Variants in ITGB3 observed in about 807,000 individuals in gnomAD.
ITGB3 encodes integrin subunit beta 3.
In ITGB3, 48 loss-of-function variants were observed where a neutral mutation model predicts 85.8. That is an observed-to-expected ratio of 0.56 (90% CI 0.44 to 0.71). The LOEUF (loss-of-function observed/expected upper bound fraction) is 0.71. Ranked by LOEUF, ITGB3 falls within the 30% of genes least tolerant of loss-of-function variation. The pLI is 0.00. For synonymous variants in ITGB3, 363 were observed against 395.6 expected, an observed-to-expected ratio of 0.92 and a Z score of 0.98; for missense variants, 861 against 1,019.1, an observed-to-expected ratio of 0.84 and a Z score of 2.11.
At chr17:47,300,444 C>T in intron 11 of ITGB3, 34 bp from the exon 12 acceptor site, 1 of 1,530,864 alleles carries the variant, frequency 6.5e-7, no homozygotes, top group Non-Finnish European at 9.1e-7. Context: ...CTTGCTCCTT[C>T]TTTGCCTTAA....
At chr17:47,266,795 T>G (rs1040154666) in intron 1 of ITGB3, among the ~76,000 whole-genome samples, 1 of 152,140 alleles carries the variant, frequency 6.6e-6, no homozygotes, top group Non-Finnish European at 1.5e-5. Flanking sequence ...TTGCCCAGAC[T>G]AGTCGCCAAC....
intron 1 of ITGB3, among the ~76,000 whole-genome samples, chr17:47,257,889 A>G (rs900817517): frequency 2.6e-5 from 4 of 152,164 alleles, no homozygotes; most frequent in African/African-American, 7.2e-5. Flanking sequence ...TGGGAAGACC[A>G]TAAGATGGGG....
chr17:47,284,424 A>T lies in ITGB3; in HGVS notation c.362-19A>T, dbSNP rs1047291777. 2 of 1,614,018 alleles carry T rather than the reference A, an allele frequency of 1.2e-6. No homozygotes were observed. The highest frequency in any genetic ancestry group is 2.7e-5 in the African/African-American group (2 of 74,924). On this transcript the variant is annotated intron_variant, in intron 3 of 14. Coordinates refer to ENST00000559488, the MANE Select transcript of ITGB3 (RefSeq NM_000212.3). Reference sequence around the variant, plus strand: ...TGGTGGGAGAAGAAGATAAAAACTAACATCTTTCTGCCTTCCAGATGATTC... The same window carrying T: ...TGGTGGGAGAAGAAGATAAAAACTATCATCTTTCTGCCTTCCAGATGATTC...
At position 47,302,778 on chromosome 17, in the gene ITGB3, T is replaced by C; in HGVS notation, c.2072T>C (p.Val691Ala). The change falls in exon 13 of 15, where the codon GTC becomes GCC. Residue 691 changes from valine to alanine, a missense_variant. Val to Ala is a moderately conservative substitution (Grantham distance 64, BLOSUM62 0). Coordinates refer to ENST00000559488, the MANE Select transcript of ITGB3 (RefSeq NM_000212.3). Reference sequence around the variant, plus strand: ...TATAAGAATGAGGATGACTGTGTCGTCAGATTCCAGTACTATGAAGATTCT... The same window carrying C: ...TATAAGAATGAGGATGACTGTGTCGCCAGATTCCAGTACTATGAAGATTCT... The part of the protein sequence containing the change: ...CTYKNEDDCV[V>A]RFQYYEDSSG... The C allele has an allele frequency of 6.2e-7, 1 of 1,614,116 alleles. No homozygotes were observed. Among genetic ancestry groups the C allele is most frequent in the Non-Finnish European group, 8.5e-7 (1 of 1,179,950 alleles).
chr17:47,292,849 T>C (rs2065132645), intron 10 of ITGB3, among the ~76,000 whole-genome samples: 1 of 152,254 alleles, frequency 6.6e-6, no homozygotes, highest in South Asian at 2.1e-4. Context: ...TATCTTTGTA[T>C]CACAAGAGAC....
intron 1 of ITGB3, among the ~76,000 whole-genome samples, chr17:47,272,930 C>T (rs1202664278): frequency 1.3e-5 from 2 of 152,004 alleles, no homozygotes; most frequent in African/African-American, 4.8e-5. Context: ...TGCACCACCA[C>T]GCCCGGCTAA....
chr17:47,289,772 A>C lies in ITGB3; in HGVS notation c.1031A>C (p.Tyr344Ser), dbSNP rs2065118116. 4 of 1,612,694 alleles carry C rather than the reference A, an allele frequency of 2.5e-6. No individual in the cohort carries two copies. The highest frequency in any genetic ancestry group is 3.4e-6 in the Non-Finnish European group (4 of 1,178,660). Residue 344 changes from tyrosine (Y) to serine (S), a missense_variant, in exon 7 of 15, where the codon TAT (tyrosine) becomes TCT (serine). Transcript: ENST00000559488. ...GTGACTGAAAATGTAGTCAATCTCT[A>C]TCAGGTGACTGTGCCTTCGGGCTTC... ...FAVTENVVNL[Y>S]QNYSELIPGT... is the part of the protein sequence containing the mutation.
In ITGB3 at chr17:47,310,280, G is replaced by A; in HGVS notation, c.*76G>A. The A allele has an allele frequency of 7.1e-7, 1 of 1,417,954 alleles. No homozygotes were observed. 87.8% of individuals were successfully genotyped at this position (1,417,954 alleles called of 1,614,324 possible). ...AGTCCCTGCCATCATGTTTACAGAG[G>A]ACAGTATTTGTGGGGAGGGATTTGG... On this transcript the variant is annotated 3_prime_UTR_variant, in exon 15 of 15. Transcript: ENST00000559488.
At chr17:47,305,605 A>C (rs1829009134) in intron 13 of ITGB3, 1 of 152,120 alleles carries the variant, frequency 6.6e-6, no homozygotes, top group African/African-American at 2.4e-5. Flanking sequence ...TTAGTTGTTG[A>C]CTGGGGTTGA....
chr17:47,287,386 C>T (rs916255719), intron 6 of ITGB3, among the ~76,000 whole-genome samples, 155 bp downstream of exon 6: 20 of 152,186 alleles, frequency 1.3e-4, no homozygotes, highest in Non-Finnish European at 8.8e-5. Context: ...ACCAACTGGA[C>T]ACCGTCATCC....
Position 47,291,093 on chromosome 17 carries a change from G to C in ITGB3, c.1260+5G>C. The C allele has an allele frequency of 1.9e-6, 3 of 1,614,128 alleles. No individual in the cohort carries two copies. The highest frequency in any genetic ancestry group is 1.7e-6 in the Non-Finnish European group (2 of 1,180,044). ...GGACTCAAGATTGGAGACACGGTGA[G>C]GTGGGCTGGGCAGGGCCTTTGTCCT... is the stretch of plus-strand genomic sequence containing the variant. On this transcript the variant is annotated splice_donor_5th_base_variant and intron_variant, in intron 9 of 14. Coordinates refer to ENST00000559488, the MANE Select transcript of ITGB3 (RefSeq NM_000212.3).
At chr17:47,263,765 C>T (rs1172928824) in intron 1 of ITGB3, among the ~76,000 whole-genome samples, 1 of 152,150 alleles carries the variant, frequency 6.6e-6, no homozygotes, top group Non-Finnish European at 1.5e-5. Context: ...GCTCAGATTA[C>T]AGTGTTAGCC....
chr17:47,275,028 C>T (rs893392389), intron 2 of ITGB3, among the ~76,000 whole-genome samples: 1 of 151,984 alleles, frequency 6.6e-6, no homozygotes, highest in African/African-American at 2.4e-5. Flanking sequence ...GGTATAGGTA[C>T]GGATGGGGTT....
At chr17:47,295,406 TCTC>T (rs1167099023) in intron 10 of ITGB3, among the ~76,000 whole-genome samples, 1 of 152,082 alleles carries the variant, frequency 6.6e-6, no homozygotes, top group East Asian at 1.9e-4. Flanking sequence ...CCCCTCCCTT[TCTC>T]CTCTTCCACT....
chr17:47,304,201 C>A (rs1390023482), intron 13 of ITGB3, among the ~76,000 whole-genome samples: 1 of 152,148 alleles, frequency 6.6e-6, no homozygotes, highest in Non-Finnish European at 1.5e-5. Context: ...GCCAACATTT[C>A]CTATGTTGTT....
Position 47,292,356 on chromosome 17 carries a change from T to C in ITGB3, c.1478T>C (p.Leu493Pro). 1 of 1,614,198 alleles carries C rather than the reference T, an allele frequency of 6.2e-7. No homozygotes were observed. The highest frequency in any genetic ancestry group is 8.5e-7 in the Non-Finnish European group (1 of 1,180,030). The change falls in exon 10 of 15, where the codon CTG becomes CCG. Residue 493 changes from leucine (L) to proline (P), a missense_variant. Physicochemically the swap from Leu to Pro is moderately conservative, Grantham distance 98. Coordinates refer to ENST00000559488, the MANE Select transcript of ITGB3 (RefSeq NM_000212.3). ...CGVCRCGPGWLGSQCECSEED... is the reference protein window; with the variant it reads ...CGVCRCGPGWPGSQCECSEED... ...GTATGCCGTTGTGGGCCTGGCTGGC[T>C]GGGATCCCAGTGTGAGTGCTCAGAG...
intron 1 of ITGB3, among the ~76,000 whole-genome samples, chr17:47,264,381 A>G (rs1389806726): frequency 2.0e-5 from 3 of 152,242 alleles, no homozygotes; most frequent in African/African-American, 4.8e-5. Context: ...GAACGTATCT[A>G]GAGTCTGACC....
In ITGB3 at chr17:47,300,574, G is replaced by A. The variant is rs2065163803; in HGVS notation, c.2010G>A (p.Glu670=). The A allele has an allele frequency of 1.9e-6, 3 of 1,612,764 alleles. No individual in the cohort carries two copies. Among genetic ancestry groups the A allele is most frequent in the East Asian group, 2.2e-5 (1 of 44,894 alleles). Residue 670 remains glutamate (E), a synonymous_variant, in exon 12 of 15, where the codon GAG becomes GAA. Transcript: ENST00000559488. ...GTGACGAGATTGAGTCAGTGAAAGA[G>A]CTTAGTAAGTTCAGCACATCTTAGA... The part of the protein sequence containing the change: ...YCRDEIESVK[E]LKDTGKDAVN...
At chr17:47,261,562 C>T (rs1235119454) in intron 1 of ITGB3, among the ~76,000 whole-genome samples, 1 of 149,030 alleles carries the variant, frequency 6.7e-6, no homozygotes, top group Non-Finnish European at 1.5e-5. Context: ...CTCTGTCGCC[C>T]AGGCTGGAGT....
Sources: allele counts gnomAD v4.1 joint callset (sites outside exome capture counted in the v4.1 genomes callset), GRCh38; gene constraint gnomAD v4.1.1; transcripts MANE v1.5; gene names NCBI Gene and HGNC (gene_info 2026-07-23, HGNC 2026-07-21).